The following SNTG1 variants were observed in gnomAD, a reference collection of about 807,000 sequenced individuals.
The protein encoded by SNTG1 is gamma-1-syntrophin.
A neutral mutation model predicts 74.7 loss-of-function variants in SNTG1; 39 were observed. The observed-to-expected ratio is 0.52, with a 90% CI of 0.40 to 0.68. The LOEUF is 0.68. SNTG1 is among the 30% of genes least tolerant of loss of function. The pLI is 0.00. For synonymous variants in SNTG1, 254 were observed against 217.1 expected (o/e 1.17, Z -1.49); for missense variants, 685 against 609.5 (o/e 1.12, Z -1.30).
At position 50,241,056 on chromosome 8, in the gene SNTG1, C is replaced by T. The variant is rs556318044; in HGVS notation, c.-28+68421C>T. On this transcript the variant is annotated intron_variant, in intron 2 of 18. Coordinates refer to ENST00000642720, the MANE Select transcript of SNTG1 (RefSeq NM_018967.5). ...GTTTATGAGGTCATAGGATAGTCTT[C>T]TCTTTCCTTAGGAAGTTAGAGTAAG... 2.8e-4 allele frequency among the ~76,000 whole-genome samples: 43 copies of T among 152,258 alleles called. No homozygotes were observed. The South Asian group carries it at 8.1e-3, about 29-fold the overall frequency.
upstream of SNTG1, among the ~76,000 whole-genome samples, chr8:49,910,295 C>A (rs891382857): frequency 6.6e-5 from 10 of 151,816 alleles, no homozygotes; most frequent in African/African-American, 2.2e-4. Flanking sequence ...CCCTCCCGGA[C>A]CCCCGTCCCC....
chr8:50,061,471 C>A (rs908526738), intron 1 of SNTG1, among the ~76,000 whole-genome samples: 1 of 151,978 alleles, frequency 6.6e-6, no homozygotes, highest in Non-Finnish European at 1.5e-5. Context: ...CAGTTTCTTT[C>A]ATTTTTAATT....
chr8:50,654,264 G>T (rs1205838767), intron 13 of SNTG1, among the ~76,000 whole-genome samples: 1 of 151,840 alleles, frequency 6.6e-6, no homozygotes, highest in Non-Finnish European at 1.5e-5. Flanking sequence ...TCTCATATAT[G>T]TTTTTTCCAA....
intron 12 of SNTG1, among the ~76,000 whole-genome samples, chr8:50,564,118 G>A (rs975612073): frequency 4.8e-5 from 7 of 145,104 alleles, no homozygotes; most frequent in South Asian, 2.2e-4. Flanking sequence ...GTTGCAGTCC[G>A]TTTTTTTTTT....
intron 3 of SNTG1, among the ~76,000 whole-genome samples, chr8:50,400,407 A>G (rs1217692130): frequency 6.6e-6 from 1 of 151,994 alleles, no homozygotes; most frequent in Non-Finnish European, 1.5e-5. Flanking sequence ...TTATCCATTC[A>G]TGTGTTGATG....
chr8:50,758,004 A>C (rs1343065206), intron 18 of SNTG1, among the ~76,000 whole-genome samples: 1 of 151,754 alleles, frequency 6.6e-6, no homozygotes, highest in Admixed American at 6.6e-5. Context: ...TATTGTTGTC[A>C]CTCATTTTGC....
intron 1 of SNTG1, among the ~76,000 whole-genome samples, chr8:50,130,702 G>A (rs2081288931): frequency 1.3e-5 from 2 of 152,088 alleles, no homozygotes; most frequent in Non-Finnish European, 2.9e-5. Context: ...ACTTGAGGAA[G>A]AAGATAAAGG....
At chr8:50,540,547 A>G (rs1038641183) in intron 11 of SNTG1, among the ~76,000 whole-genome samples, 2 of 152,110 alleles carry the variant, frequency 1.3e-5, no homozygotes, top group African/African-American at 2.4e-5. Context: ...TGCATCATTC[A>G]TGATTTTTTT....
At chr8:49,919,908 C>G (rs1806379387) in intron 1 of SNTG1, among the ~76,000 whole-genome samples, 1 of 152,032 alleles carries the variant, frequency 6.6e-6, no homozygotes, top group Non-Finnish European at 1.5e-5. Flanking sequence ...GTACATTTTA[C>G]ACCATTATTA....
chr8:50,675,151 G>A (rs113887069), intron 15 of SNTG1, among the ~76,000 whole-genome samples: 9,007 of 152,090 alleles, frequency 0.059, 873 homozygotes, highest in African/African-American at 0.2. Flanking sequence ...GCTGATTTGG[G>A]GTGGAGAGTT....
chr8:50,441,119 T>C (rs73581401), intron 5 of SNTG1, among the ~76,000 whole-genome samples: 4,007 of 152,160 alleles, frequency 0.026, 163 homozygotes, highest in African/African-American at 0.09. Context: ...GTGGTGGGGC[T>C]TCTTATGTAG....
At position 49,972,670 on chromosome 8, in the gene SNTG1, G is replaced by GAA. The variant is rs34399234; in HGVS notation, c.-103+60447_-103+60448dup. ...ACAATGAACTCTAACAAATTTACAA[G>GAA]AAAAAAAAACAACCCCATCAACAAG... On this transcript the variant is annotated intron_variant, in intron 1 of 18. Transcript: ENST00000642720. Among the ~76,000 whole-genome samples, 612 of 150,312 alleles carry GAA rather than the reference G, an allele frequency of 4.1e-3. 5 individuals carry two copies. The highest frequency in any genetic ancestry group is 0.013 in the African/African-American group (542 of 40,978).
At chr8:50,235,518 G>C (rs2085843889) in intron 2 of SNTG1, among the ~76,000 whole-genome samples, 1 of 152,026 alleles carries the variant, frequency 6.6e-6, no homozygotes, top group African/African-American at 2.4e-5. Flanking sequence ...AAAAACAACA[G>C]GTTTTCTAAG....
At chr8:50,276,201 T>A (rs1212981851) in intron 2 of SNTG1, among the ~76,000 whole-genome samples, 1 of 151,998 alleles carries the variant, frequency 6.6e-6, no homozygotes, top group Non-Finnish European at 1.5e-5. Context: ...TGTTAATTGG[T>A]AGATGATGGA....
intron 9 of SNTG1, among the ~76,000 whole-genome samples, chr8:50,513,832 G>A (rs985580266): frequency 1.3e-5 from 2 of 152,206 alleles, no homozygotes; most frequent in African/African-American, 4.8e-5. Context: ...CTTTGACTAG[G>A]AAAGGGAATT....
chr8:50,031,073 A>G (rs1817704453), intron 1 of SNTG1, among the ~76,000 whole-genome samples: 1 of 151,946 alleles, frequency 6.6e-6, no homozygotes, highest in Non-Finnish European at 1.5e-5. Context: ...ATACTTAAAT[A>G]TTATTTTACT....
At position 50,752,088 on chromosome 8, in the gene SNTG1, G is replaced by A. The variant is rs779331784; in HGVS notation, c.1372G>A (p.Asp458Asn). ...SKIKFLFQNP[D>N]TKQIEAKELE... ...AATCAAATTTTTGTTTCAGAATCCA[G>A]ATACTAAACAGATTGAAGCAAAGGT... The change falls in exon 18 of 19, where the codon GAT becomes AAT. Residue 458 changes from aspartate (D) to asparagine (N), a missense_variant. Physicochemically the swap from Asp to Asn is conservative, Grantham distance 23. Coordinates refer to ENST00000642720, the MANE Select transcript of SNTG1 (RefSeq NM_018967.5). 6.4e-7 allele frequency: 1 copy of A among 1,558,244 alleles called. No homozygotes were observed. The highest frequency in any genetic ancestry group is 2.0e-5 in the Admixed American group (1 of 49,762).
intron 9 of SNTG1, among the ~76,000 whole-genome samples, chr8:50,519,482 G>C (rs2094161588): frequency 6.6e-6 from 1 of 152,132 alleles, no homozygotes. Context: ...AAAAAATAAA[G>C]ATATTCAAAT....
intron 1 of SNTG1, among the ~76,000 whole-genome samples, chr8:50,111,822 T>A (rs1411391735): frequency 6.6e-6 from 1 of 151,472 alleles, no homozygotes. Context: ...GGAGTTGAAA[T>A]GGAAAGTAAG....
Sources: allele counts gnomAD v4.1 joint callset (sites outside exome capture counted in the v4.1 genomes callset), GRCh38; gene constraint gnomAD v4.1.1; transcripts MANE v1.5; gene names NCBI Gene and HGNC (gene_info 2026-07-23, HGNC 2026-07-21).